The following XPNPEP1 variants were observed in gnomAD, a reference collection of about 807,000 sequenced individuals.
XPNPEP1 encodes xaa-Pro aminopeptidase 1.
A neutral mutation model predicts 92.4 loss-of-function variants in XPNPEP1; 39 were observed. The observed-to-expected ratio is 0.42, with a 90% confidence interval of 0.33 to 0.55. The LOEUF (loss-of-function observed/expected upper bound fraction) is 0.55. Ranked by LOEUF, XPNPEP1 falls within the 20% of genes least tolerant of loss-of-function variation. XPNPEP1 has a pLI of 0.08. For synonymous variants in XPNPEP1, 307 were observed against 299.4 expected, an observed-to-expected ratio of 1.03 and a Z score of -0.26; for missense variants, 654 against 856.1, an observed-to-expected ratio of 0.76 and a Z score of 2.95.
intron 17 of XPNPEP1, among the ~76,000 whole-genome samples, chr10:109,871,488 G>A (rs1232313859): frequency 4.6e-5 from 7 of 152,192 alleles, no homozygotes; most frequent in Non-Finnish European, 1.0e-4. Flanking sequence ...CTTCCACTCA[G>A]GCCCTGTGAC....
intron 15 of XPNPEP1, among the ~76,000 whole-genome samples, chr10:109,875,244 C>T (rs961582047): frequency 6.6e-5 from 10 of 152,166 alleles, no homozygotes; most frequent in African/African-American, 1.9e-4. Context: ...AAACTTTCAA[C>T]GGTTCCAAAA....
chr10:109,868,784 C>A, intron 19 of XPNPEP1, 72 bp from the exon 20 acceptor site: 1 of 1,402,092 alleles, frequency 7.1e-7, no homozygotes. Flanking sequence ...GGTCATTCCA[C>A]CAGCATGCCA....
In XPNPEP1 at chr10:109,915,588, T is replaced by C. The variant is rs548199699; in HGVS notation, c.33-489A>G. On this transcript the variant is annotated intron_variant, in intron 1 of 20. Coordinates refer to ENST00000502935, the MANE Select transcript of XPNPEP1 (RefSeq NM_020383.4). ...GCTGCCTCTCCCTCTTGGTGGTTCA[T>C]TCCTTCTGCGTTTTGTGATCTTTTA... Among the ~76,000 whole-genome samples, 4 of 152,312 alleles carry C rather than the reference T, an allele frequency of 2.6e-5. No individual in the cohort carries two copies. In the South Asian group the frequency reaches 8.3e-4, roughly 32 times the overall value.
chr10:109,875,520 T>C lies in XPNPEP1; in HGVS notation c.1391+8A>G, dbSNP rs959329418. ...AGTCAAGTTCCACAGCAGTCCTGGT[T>C]TACTTACTTGTATTGAGCACCCGAG... On this transcript the variant is annotated splice_region_variant and intron_variant, in intron 15 of 20. Coordinates refer to ENST00000502935, the MANE Select transcript of XPNPEP1 (RefSeq NM_020383.4). 3.1e-6 allele frequency: 5 copies of C among 1,613,778 alleles called. No individual in the cohort carries two copies. The African/African-American group carries it at 6.7e-5, about 22-fold the overall frequency.
At chr10:109,910,303 G>A (rs905421788) in intron 2 of XPNPEP1, among the ~76,000 whole-genome samples, 9 of 152,122 alleles carry the variant, frequency 5.9e-5, no homozygotes, top group African/African-American at 1.9e-4. Flanking sequence ...CCAGCACTTC[G>A]TGAGGCCAAG....
chr10:109,896,771 TA>T (rs1179517868), intron 3 of XPNPEP1, among the ~76,000 whole-genome samples: 1 of 151,950 alleles, frequency 6.6e-6, no homozygotes. Flanking sequence ...TACATCCAGT[TA>T]AAACCTCAAC....
intron 4 of XPNPEP1, among the ~76,000 whole-genome samples, chr10:109,892,144 G>A (rs906143433): frequency 2.6e-4 from 39 of 152,164 alleles, no homozygotes; most frequent in Non-Finnish European, 2.6e-4. Context: ...AAGTGGTCTC[G>A]TATAATCAAC....
chr10:109,907,895 G>T (rs1280249284), intron 2 of XPNPEP1, 80 bp from the exon 3 acceptor site: 10 of 1,579,382 alleles, frequency 6.3e-6, no homozygotes, highest in Non-Finnish European at 8.6e-6. Flanking sequence ...GCCACAGAGA[G>T]AAGTGCCTTC....
chr10:109,916,356 GC>G (rs34533557), intron 1 of XPNPEP1, among the ~76,000 whole-genome samples: 47,758 of 152,034 alleles, frequency 0.31, 8,067 homozygotes, highest in Admixed American at 0.46. Context: ...GAAGGTCAGC[GC>G]AGTGTGATTG....
Position 109,869,723 on chromosome 10 carries a change from G to T in XPNPEP1, c.1773+230C>A, listed in dbSNP as rs191114146. ...AAGGATTTTCTTTCTGGCTTTGCAGGGAAGGAGTGTGGTTTCCAGGAAAGT... is the reference window on the plus strand; with the variant it reads ...AAGGATTTTCTTTCTGGCTTTGCAGTGAAGGAGTGTGGTTTCCAGGAAAGT... On this transcript the variant is annotated intron_variant, in intron 19 of 20. Coordinates refer to ENST00000502935, the MANE Select transcript of XPNPEP1 (RefSeq NM_020383.4). 403 of 449,728 alleles carry T rather than the reference G, an allele frequency of 9.0e-4. 3 individuals are homozygous for T. In the Middle Eastern group the frequency reaches 0.011, roughly 12 times the overall value. The allele number at this position is 449,728 out of a possible 1,614,324, so 27.9% of individuals were successfully genotyped here.
At chr10:109,877,628 G>A in intron 14 of XPNPEP1, 162 bp downstream of exon 14, 1 of 891,332 alleles carries the variant, frequency 1.1e-6, no homozygotes, top group South Asian at 1.7e-5. Flanking sequence ...TGGGGATTGG[G>A]AGAAAATAAA....
At chr10:109,910,526 A>G (rs996078881) in intron 2 of XPNPEP1, among the ~76,000 whole-genome samples, 11 of 152,010 alleles carry the variant, frequency 7.2e-5, no homozygotes, top group African/African-American at 2.7e-4. Flanking sequence ...CCTGGGCAAC[A>G]AAAGCGAAAC....
chr10:109,866,220 C>T (rs889502259), intron 20 of XPNPEP1, among the ~76,000 whole-genome samples: 1 of 152,178 alleles, frequency 6.6e-6, no homozygotes, highest in African/African-American at 2.4e-5. Flanking sequence ...TCAGGGACTA[C>T]AATCCAGCCA....
chr10:109,922,755 ATAAAC>A (rs1459765062), intron 1 of XPNPEP1, among the ~76,000 whole-genome samples: 1 of 152,252 alleles, frequency 6.6e-6, no homozygotes, highest in African/African-American at 2.4e-5. Flanking sequence ...TGGCAGGGGA[ATAAAC>A]TAAAACATGT....
At chr10:109,910,182 G>A (rs968541260) in intron 2 of XPNPEP1, among the ~76,000 whole-genome samples, 1 of 152,116 alleles carries the variant, frequency 6.6e-6, no homozygotes, top group African/African-American at 2.4e-5. Context: ...AGTTTTGCCT[G>A]TTCTAAAATG....
At chr10:109,887,376 T>G (rs1211034501) in intron 7 of XPNPEP1, among the ~76,000 whole-genome samples, 1 of 152,192 alleles carries the variant, frequency 6.6e-6, no homozygotes, top group Admixed American at 6.5e-5. Flanking sequence ...TCGGGAATGC[T>G]GTTTAAAACT....
Position 109,893,101 on chromosome 10 carries a change from TG to T in XPNPEP1, c.247-27del, listed in dbSNP as rs776547869. 2.7e-4 allele frequency: 428 copies of T among 1,608,056 alleles called. 1 individual carries two copies. Among genetic ancestry groups the T allele is most frequent in the Middle Eastern group, 1.2e-3 (7 of 6,056 alleles). On this transcript the variant is annotated intron_variant, in intron 3 of 20. Coordinates refer to ENST00000502935, the MANE Select transcript of XPNPEP1 (RefSeq NM_020383.4). ...CTGGAAAACAAAGATGACAACAAAG[TG>T]GGCCTCGATCAGTCATGAGCAGACT...
chr10:109,898,510 G>A (rs1417061229), intron 3 of XPNPEP1, among the ~76,000 whole-genome samples: 3 of 152,200 alleles, frequency 2.0e-5, no homozygotes, highest in Admixed American at 6.5e-5. Context: ...ATCAGACCAA[G>A]CTCAGAGGTT....
chr10:109,873,449 T>C, intron 15 of XPNPEP1, 22 bp from the exon 16 acceptor site: 1 of 1,614,106 alleles, frequency 6.2e-7, no homozygotes, highest in Non-Finnish European at 8.5e-7. Flanking sequence ...AAGGACAAAT[T>C]GGTTTCCCGT....
Sources: allele counts gnomAD v4.1 joint callset (sites outside exome capture counted in the v4.1 genomes callset), GRCh38; gene constraint gnomAD v4.1.1; transcripts MANE v1.5; gene names NCBI Gene and HGNC (gene_info 2026-07-23, HGNC 2026-07-21).